FOXN3: variants seen among roughly 807,000 people sequenced by gnomAD.
FOXN3 encodes the protein forkhead box N3, also known as forkhead box protein N3.
Under a neutral mutation model 38.4 loss-of-function variants are expected in FOXN3, and 7 were observed. That is an observed-to-expected ratio of 0.18 (90% CI 0.10 to 0.34). The LOEUF (loss-of-function observed/expected upper bound fraction) is 0.34. Ranked by LOEUF, FOXN3 falls within the 10% of genes least tolerant of loss-of-function variation. The pLI is 1.00. For synonymous variants in FOXN3, 230 were observed against 242.2 expected (o/e 0.95, Z 0.47); for missense variants, 456 against 613.4 (o/e 0.74, Z 2.71).
At chr14:89,269,760 C>T (rs1053653123) in intron 4 of FOXN3, among the ~76,000 whole-genome samples, 1 of 152,114 alleles carries the variant, frequency 6.6e-6, no homozygotes, top group Non-Finnish European at 1.5e-5. Flanking sequence ...CTGCCATTTA[C>T]TGAACATACT....
At chr14:89,569,199 C>T (rs1888365) in intron 1 of FOXN3, among the ~76,000 whole-genome samples, 15,407 of 151,042 alleles carry the variant, frequency 0.1, 1,365 homozygotes, top group African/African-American at 0.24. Context: ...AGCGAGACTC[C>T]GTCTCAAAGA....
intron 1 of FOXN3, among the ~76,000 whole-genome samples, chr14:89,594,734 T>G (rs767346127): frequency 1.3e-5 from 2 of 152,252 alleles, no homozygotes; most frequent in South Asian, 2.1e-4. Context: ...TCCTTTATAA[T>G]TGGTTCTTTT....
At chr14:89,615,248 CA>C (rs1374560889) in intron 1 of FOXN3, among the ~76,000 whole-genome samples, 1 of 150,048 alleles carries the variant, frequency 6.7e-6, no homozygotes, top group African/African-American at 2.4e-5. Context: ...TACACTAATC[CA>C]AAATCGACAC....
chr14:89,618,856 T>G lies in FOXN3; in HGVS notation c.-15+172A>C, dbSNP rs563908563. 2.6e-5 allele frequency among the ~76,000 whole-genome samples: 4 copies of G among 152,160 alleles called. No individual in the cohort carries two copies. In the East Asian group the frequency reaches 7.7e-4, roughly 29 times the overall value. ...TTGCCATGGCTGGATCTTTCCCATT[T>G]GGGCTGCAAGCTATAAATCAATCTG... On this transcript the variant is annotated intron_variant, in intron 1 of 6. Transcript: ENST00000345097.
rs1264772423 is a variant in FOXN3, at chr14:89,333,765, A to AC, written c.680+16906_680+16907insG. Among the ~76,000 whole-genome samples, 170 of 149,538 alleles carry AC rather than the reference A, an allele frequency of 1.1e-3. 2 individuals carry two copies. The highest frequency in any genetic ancestry group is 3.5e-3 in the Middle Eastern group (1 of 288). ...AGAGACTATTAAAAAAAAAAAAAAA[A>AC]AAAAAAAAAAACAGAACCCCCATAA... is the stretch of plus-strand genomic sequence containing the variant. On this transcript the variant is annotated intron_variant, in intron 3 of 5. Coordinates refer to ENST00000557258, the MANE Select transcript of FOXN3 (RefSeq NM_005197.4).
rs1416922253 is a variant in FOXN3 at position 89,511,198 on chromosome 14, CTTTCT to C, written c.-14-98713_-14-98709del. ...CTTTCTTTCTTTCTTTCTTTTCTTT[CTTTCT>C]TTTCTTTCTTTCTTTCTTTCTTTCT... On this transcript the variant is annotated intron_variant, in intron 1 of 6. Transcript: ENST00000345097. Among the ~76,000 whole-genome samples, 3 of 16,464 alleles carry C rather than the reference CTTTCT, an allele frequency of 1.8e-4. 1 individual carries two copies. Among genetic ancestry groups the C allele is most frequent in the East Asian group, 1.3e-3 (3 of 2,254 alleles). 10.8% of individuals were successfully genotyped at this position (16,464 alleles called of 152,430 possible). A position where few individuals can be genotyped will look rare whatever the true frequency, so the allele number is the denominator to read the frequency against.
chr14:89,510,225 G>T (rs1055908825), intron 1 of FOXN3, among the ~76,000 whole-genome samples: 2 of 152,212 alleles, frequency 1.3e-5, no homozygotes, highest in African/African-American at 4.8e-5. Flanking sequence ...CTGCCAGTGA[G>T]ACTGGGACTG....
intron 4 of FOXN3, among the ~76,000 whole-genome samples, chr14:89,204,182 C>G (rs559475419): frequency 1.9e-4 from 29 of 151,882 alleles, no homozygotes; most frequent in African/African-American, 7.0e-4. Context: ...AAAGAGGAAC[C>G]AAAGGACATG....
chr14:89,457,703 G>T (rs1892754607), intron 1 of FOXN3, among the ~76,000 whole-genome samples: 1 of 152,116 alleles, frequency 6.6e-6, no homozygotes, highest in Admixed American at 6.6e-5. Context: ...TCATACAATC[G>T]TTTGGGAGAA....
At chr14:89,289,290 T>C (rs940441127) in intron 3 of FOXN3, among the ~76,000 whole-genome samples, 2 of 152,068 alleles carry the variant, frequency 1.3e-5, no homozygotes, top group East Asian at 1.9e-4. Context: ...CCTTAGGCTT[T>C]AGGAGAAGTA....
intron 3 of FOXN3, among the ~76,000 whole-genome samples, chr14:89,345,707 T>C (rs572465156): frequency 6.6e-6 from 1 of 152,330 alleles, no homozygotes; most frequent in East Asian, 1.9e-4. Context: ...CACCCACTTA[T>C]AAGTGAGAAC....
intron 3 of FOXN3, among the ~76,000 whole-genome samples, chr14:89,326,813 A>G (rs1426699387): frequency 6.6e-6 from 1 of 152,218 alleles, no homozygotes; most frequent in Non-Finnish European, 1.5e-5. Flanking sequence ...CTTATTTTCT[A>G]GCCCATGGTA....
At chr14:89,547,196 G>T (rs1474041724) in intron 1 of FOXN3, among the ~76,000 whole-genome samples, 1 of 151,928 alleles carries the variant, frequency 6.6e-6, no homozygotes, top group Non-Finnish European at 1.5e-5. Flanking sequence ...TATGTTTTGT[G>T]CTTCTATAAC....
chr14:89,232,749 CAT>C (rs1250227688), intron 4 of FOXN3, among the ~76,000 whole-genome samples: 1 of 152,200 alleles, frequency 6.6e-6, no homozygotes, highest in Non-Finnish European at 1.5e-5. Flanking sequence ...CCTTACGAGA[CAT>C]AATTTGAGGA....
At chr14:89,455,741 G>T (rs1031178478) in intron 1 of FOXN3, among the ~76,000 whole-genome samples, 3 of 152,176 alleles carry the variant, frequency 2.0e-5, no homozygotes, top group African/African-American at 7.2e-5. Context: ...CCCACCCTTT[G>T]CAACCTGCTC....
chr14:89,344,246 A>C (rs1427189411), intron 3 of FOXN3, among the ~76,000 whole-genome samples: 1 of 149,788 alleles, frequency 6.7e-6, no homozygotes, highest in Non-Finnish European at 1.5e-5. Flanking sequence ...TTTAAAGCAA[A>C]AAAAGGGAAA....
rs549811805 is a variant in FOXN3, at chr14:89,570,263, C to T, written c.-15+48765G>A. Among the ~76,000 whole-genome samples, 32 of 152,124 alleles carry T rather than the reference C, an allele frequency of 2.1e-4. No homozygotes were observed. The South Asian group carries it at 2.5e-3, about 12-fold the overall frequency. On this transcript the variant is annotated intron_variant, in intron 1 of 6. Transcript: ENST00000345097. ...ATCCGCCTGCCTCAGCCTCCCAAAGCGCTGGGATTACAGGCGTGAACCACC... is the reference window on the plus strand; with the variant it reads ...ATCCGCCTGCCTCAGCCTCCCAAAGTGCTGGGATTACAGGCGTGAACCACC...
chr14:89,309,001 G>C (rs563141553), intron 3 of FOXN3, among the ~76,000 whole-genome samples: 1 of 152,184 alleles, frequency 6.6e-6, no homozygotes, highest in Non-Finnish European at 1.5e-5. Context: ...AGGCCTGGCC[G>C]CACGGTGGTC....
rs556757268 is a variant in FOXN3, at chr14:89,565,752, A to C, written c.-15+53276T>G. Among the ~76,000 whole-genome samples the C allele has an allele frequency of 2.0e-5, 3 of 152,342 alleles. No individual in the cohort carries two copies. In the South Asian group the frequency reaches 6.2e-4, roughly 32 times the overall value. Reference sequence around the variant, plus strand: ...GAGAAAGTGGAAAGAAAGAGTAATTAGTGGTGGTGGTTGCATTTGCCATAT... The same window carrying C: ...GAGAAAGTGGAAAGAAAGAGTAATTCGTGGTGGTGGTTGCATTTGCCATAT... On this transcript the variant is annotated intron_variant, in intron 1 of 6. Coordinates refer to the FOXN3 transcript ENST00000345097.
Sources: allele counts gnomAD v4.1 joint callset (sites outside exome capture counted in the v4.1 genomes callset), GRCh38; gene constraint gnomAD v4.1.1; transcripts MANE v1.5; gene names NCBI Gene and HGNC (gene_info 2026-07-23, HGNC 2026-07-21).